Variants in GAPVD1 observed in about 807,000 individuals in gnomAD.
GAPVD1 encodes GTPase-activating protein and VPS9 domain-containing protein 1.
GAPVD1 carries 35 observed loss-of-function variants against 155.5 expected under a neutral mutation model. The ratio of observed to expected loss-of-function variants is 0.23; its 90% CI spans 0.17 to 0.30. The LOEUF (loss-of-function observed/expected upper bound fraction) is 0.30, where lower values mean the gene tolerates loss of function less well. GAPVD1 is among the 10% of genes least tolerant of loss of function. The pLI is 1.00. For synonymous variants in GAPVD1, 636 were observed against 619.7 expected (o/e 1.03, Z -0.39); for missense variants, 1,429 against 1,775.7 (o/e 0.80, Z 3.51).
At chr9:125,348,119 A>G (rs1234018992) in intron 20 of GAPVD1, among the ~76,000 whole-genome samples, 2 of 151,786 alleles carry the variant, frequency 1.3e-5, no homozygotes, top group South Asian at 2.1e-4. Context: ...TGGCACAATC[A>G]TGGTTTACTG....
At chr9:125,329,344 AT>A (rs1845739766) in intron 12 of GAPVD1, among the ~76,000 whole-genome samples, 1 of 152,212 alleles carries the variant, frequency 6.6e-6, no homozygotes, top group Admixed American at 6.5e-5. Flanking sequence ...CCAGCATAAC[AT>A]TCTGTGGTTA....
intron 8 of GAPVD1, chr9:125,309,035 GTGCC>G (rs1842279252): frequency 6.6e-6 from 1 of 152,304 alleles, no homozygotes; most frequent in African/African-American, 2.4e-5. Flanking sequence ...GAGTATTTTA[GTGCC>G]TGCCTATTTA....
At chr9:125,262,018 G>C (rs1450590784) in intron 1 of GAPVD1, 59 bp downstream of exon 1, 2 of 152,624 alleles carry the variant, frequency 1.3e-5, no homozygotes, top group Non-Finnish European at 2.9e-5. Flanking sequence ...CTCGCGGCCG[G>C]GTTGCTCCGG....
At chr9:125,267,445 G>A (rs1251031930) in intron 1 of GAPVD1, among the ~76,000 whole-genome samples, 3 of 151,910 alleles carry the variant, frequency 2.0e-5, no homozygotes, top group South Asian at 4.1e-4. Flanking sequence ...TTGAGATGGA[G>A]TTTCACTCTT....
chr9:125,312,312 G>T, intron 8 of GAPVD1, 140 bp from the exon 9 acceptor site: 1 of 581,324 alleles, frequency 1.7e-6, no homozygotes, highest in East Asian at 3.2e-5. Context: ...GTTTTGTTTT[G>T]TTTTTTCTTA....
chr9:125,354,616 A>T (rs1369084541), intron 23 of GAPVD1, 38 bp from the exon 24 acceptor site: 2 of 1,365,424 alleles, frequency 1.5e-6, no homozygotes, highest in Non-Finnish European at 2.1e-6. Flanking sequence ...GTATGCACTG[A>T]ATATATCTGA....
intron 2 of GAPVD1, among the ~76,000 whole-genome samples, chr9:125,281,531 A>G (rs1836785638): frequency 6.6e-6 from 1 of 152,210 alleles, no homozygotes; most frequent in African/African-American, 2.4e-5. Context: ...TCAATTCTTC[A>G]TATTATTAAC....
rs776687812 is a variant in GAPVD1 at position 125,360,510 on chromosome 9, G to A, written c.4045-18G>A. The A allele has an allele frequency of 3.7e-6, 6 of 1,605,918 alleles. No individual in the cohort carries two copies. Among genetic ancestry groups the A allele is most frequent in the Non-Finnish European group, 5.1e-6 (6 of 1,172,694 alleles). Reference sequence around the variant, plus strand: ...CCACTGGATTCAGAATCTGTATATTGTCTATGGTCTCACTTAGGTTTATCT... The same window carrying A: ...CCACTGGATTCAGAATCTGTATATTATCTATGGTCTCACTTAGGTTTATCT... On this transcript the variant is annotated intron_variant, in intron 26 of 27. Transcript: ENST00000297933.
chr9:125,346,931 T>C lies in GAPVD1; in HGVS notation c.3159T>C (p.Tyr1053=), dbSNP rs1465220605. Residue 1053 remains tyrosine, a synonymous_variant, in exon 20 of 28, where the codon TAT becomes TAC. Coordinates refer to ENST00000297933, the MANE Select transcript of GAPVD1 (RefSeq NM_001282680.3). ...CCAGTGATGGAGCAATGGCAAACTA[T>C]GAAAGTACAGGTGATAATCATGACA... ...TSPSDGAMAN[Y]ESTEVMGDGE... 1 of 1,612,534 alleles carries C rather than the reference T, an allele frequency of 6.2e-7. No individual in the cohort carries two copies. The highest frequency in any genetic ancestry group is 8.5e-7 in the Non-Finnish European group (1 of 1,178,692).
intron 2 of GAPVD1, among the ~76,000 whole-genome samples, chr9:125,281,909 G>A (rs555300212): frequency 1.1e-4 from 16 of 151,226 alleles, no homozygotes; most frequent in Admixed American, 7.9e-4. Context: ...CTGCCTCCTC[G>A]CTGGTTCAAG....
intron 1 of GAPVD1, chr9:125,264,077 G>A: frequency 2.4e-6 from 2 of 843,806 alleles, no homozygotes; most frequent in Non-Finnish European, 4.0e-6. Flanking sequence ...TTCATAAATG[G>A]CAATCTGGTT....
intron 2 of GAPVD1, among the ~76,000 whole-genome samples, chr9:125,289,856 T>G (rs1387442774): frequency 1.3e-5 from 2 of 152,146 alleles, no homozygotes; most frequent in Non-Finnish European, 1.5e-5. Flanking sequence ...GAAAAAGGTC[T>G]GAAGATTGAG....
chr9:125,335,185 A>G (rs757315642), intron 15 of GAPVD1: 6 of 769,840 alleles, frequency 7.8e-6, no homozygotes, highest in South Asian at 7.0e-5. Context: ...TTCTTTATAT[A>G]CTTCAGCCAA....
intron 6 of GAPVD1, among the ~76,000 whole-genome samples, chr9:125,306,305 G>T (rs1027254569): frequency 1.3e-5 from 2 of 152,164 alleles, no homozygotes; most frequent in East Asian, 3.9e-4. Context: ...TGGGATTATA[G>T]GCGTGAGCCA....
chr9:125,293,455 C>CTT (rs796829443), intron 2 of GAPVD1, among the ~76,000 whole-genome samples: 2 of 134,782 alleles, frequency 1.5e-5, no homozygotes, highest in Non-Finnish European at 1.6e-5. Context: ...AGAGAAATGG[C>CTT]TTTTTTTTTT....
In GAPVD1 at chr9:125,349,500, G is replaced by A; in HGVS notation, c.3280G>A (p.Asp1094Asn). 2 of 1,614,076 alleles carry A rather than the reference G, an allele frequency of 1.2e-6. No individual in the cohort carries two copies. The highest frequency in any genetic ancestry group is 1.7e-6 in the Non-Finnish European group (2 of 1,179,948). ...DSASQAAHPQDSAFSYRDAKK... is the reference protein window; with the variant it reads ...DSASQAAHPQNSAFSYRDAKK... ...TGCAAGCCAAGCAGCCCACCCGCAG[G>A]ATTCAGCTTTCTCTTACAGGTATTT... The change falls in exon 21 of 28, where the codon GAT becomes AAT. Residue 1094 changes from aspartate (D) to asparagine (N), a missense_variant. Coordinates refer to ENST00000297933, the MANE Select transcript of GAPVD1 (RefSeq NM_001282680.3).
At chr9:125,309,649 T>G (rs1463028738) in intron 8 of GAPVD1, among the ~76,000 whole-genome samples, 1 of 152,214 alleles carries the variant, frequency 6.6e-6, no homozygotes, top group Non-Finnish European at 1.5e-5. Flanking sequence ...AATGGTTTTT[T>G]GTGGGCTATT....
intron 2 of GAPVD1, among the ~76,000 whole-genome samples, chr9:125,280,629 G>T (rs1247696758): frequency 6.8e-6 from 1 of 147,068 alleles, no homozygotes; most frequent in African/African-American, 2.5e-5. Context: ...AGACTGGAGT[G>T]CAGTGGCGCA....
chr9:125,290,957 A>G (rs1009325372), intron 2 of GAPVD1, among the ~76,000 whole-genome samples: 1 of 143,340 alleles, frequency 7.0e-6, no homozygotes, highest in Non-Finnish European at 1.5e-5. Flanking sequence ...ACATTACTAC[A>G]CTCCAGCCTG....
Sources: allele counts gnomAD v4.1 joint callset (sites outside exome capture counted in the v4.1 genomes callset), GRCh38; gene constraint gnomAD v4.1.1; transcripts MANE v1.5; gene names NCBI Gene and HGNC (gene_info 2026-07-23, HGNC 2026-07-21).